Variants in LRRC7 observed in about 807,000 individuals in gnomAD.
LRRC7 encodes the protein leucine rich repeat containing 7.
A neutral mutation model predicts 175.7 loss-of-function variants in LRRC7; 23 were observed. The ratio of observed to expected loss-of-function variants is 0.13; its 90% confidence interval spans 0.09 to 0.19. The LOEUF (loss-of-function observed/expected upper bound fraction) is 0.19, where lower values mean the gene tolerates loss of function less well. Among genes scored for constraint, LRRC7 ranks in the 10% least tolerant of loss-of-function variants. LRRC7 has a pLI of 1.00. For missense variants in LRRC7, 1,354 were observed against 1,904.7 expected, an observed-to-expected ratio of 0.71 and a Z score of 5.38; for synonymous variants, 685 against 680.9, an observed-to-expected ratio of 1.01 and a Z score of -0.09.
At chr1:69,994,702 T>C in intron 11 of LRRC7, 69 bp downstream of exon 11, 1 of 1,037,816 alleles carries the variant, frequency 9.6e-7, no homozygotes, top group Non-Finnish European at 1.5e-6. Context: ...TTGAGTTTTC[T>C]AATTCAAAAC....
chr1:69,732,320 T>A (rs1008660911), intron 2 of LRRC7, among the ~76,000 whole-genome samples: 3 of 151,718 alleles, frequency 2.0e-5, no homozygotes, highest in Non-Finnish European at 4.4e-5. Context: ...ATTTACACAA[T>A]CTAATGAAAA....
chr1:69,732,284 G>T (rs1269247478), intron 2 of LRRC7, among the ~76,000 whole-genome samples: 1 of 151,794 alleles, frequency 6.6e-6, no homozygotes, highest in Non-Finnish European at 1.5e-5. Flanking sequence ...TTTAAAGGTT[G>T]TTTAGAATTT....
intron 3 of LRRC7, among the ~76,000 whole-genome samples, chr1:69,780,579 A>G (rs1416526963): frequency 6.6e-6 from 1 of 152,122 alleles, no homozygotes; most frequent in African/African-American, 2.4e-5. Context: ...GAAGCTTACA[A>G]TTTCACCAAG....
chr1:69,744,941 T>G (rs562693961), intron 2 of LRRC7, among the ~76,000 whole-genome samples: 1 of 152,066 alleles, frequency 6.6e-6, no homozygotes, highest in African/African-American at 2.4e-5. Flanking sequence ...ACCCTTTATT[T>G]AATCATTTAC....
At chr1:69,578,769 A>G (rs1646065876) in intron 1 of LRRC7, among the ~76,000 whole-genome samples, 1 of 132,746 alleles carries the variant, frequency 7.5e-6, no homozygotes, top group Admixed American at 8.5e-5. Flanking sequence ...AGGAAGGGGA[A>G]CATCACACTC....
chr1:69,816,472 T>G (rs990906157), intron 4 of LRRC7, among the ~76,000 whole-genome samples: 1 of 152,194 alleles, frequency 6.6e-6, no homozygotes, highest in African/African-American at 2.4e-5. Context: ...CAGTATTTCT[T>G]CTCCAAAAGT....
At chr1:69,928,484 T>G (rs1647164805) in intron 7 of LRRC7, among the ~76,000 whole-genome samples, 1 of 152,248 alleles carries the variant, frequency 6.6e-6, no homozygotes, top group Admixed American at 6.5e-5. Context: ...ATGGCTGCTT[T>G]GTTTACTTAA....
intron 2 of LRRC7, among the ~76,000 whole-genome samples, chr1:69,694,037 C>T (rs189668887): frequency 6.6e-6 from 1 of 152,278 alleles, no homozygotes; most frequent in East Asian, 1.9e-4. Flanking sequence ...TCCATTCTCT[C>T]CTTCCTGGGT....
intron 26 of LRRC7, among the ~76,000 whole-genome samples, chr1:70,114,375 C>G (rs17131215): frequency 6.6e-6 from 1 of 151,916 alleles, no homozygotes; most frequent in Non-Finnish European, 1.5e-5. Flanking sequence ...AGGTTAAAAA[C>G]TATGTTGATC....
chr1:69,634,422 A>G (rs1481278262), intron 1 of LRRC7, among the ~76,000 whole-genome samples: 1 of 152,160 alleles, frequency 6.6e-6, no homozygotes, highest in Non-Finnish European at 1.5e-5. Context: ...AAAATGTTGC[A>G]GATAGATTCC....
At chr1:69,669,799 C>T (rs2100568195) in intron 1 of LRRC7, among the ~76,000 whole-genome samples, 1 of 152,128 alleles carries the variant, frequency 6.6e-6, no homozygotes, top group South Asian at 2.1e-4. Flanking sequence ...GTTCAAAAGG[C>T]TGTTTTCATG....
At chr1:69,794,348 C>A (rs986550371) in intron 4 of LRRC7, among the ~76,000 whole-genome samples, 1 of 152,140 alleles carries the variant, frequency 6.6e-6, no homozygotes, top group African/African-American at 2.4e-5. Context: ...GGACACAGAC[C>A]TCTTTCTACA....
intron 2 of LRRC7, among the ~76,000 whole-genome samples, chr1:69,738,027 C>T (rs563102357): frequency 1.3e-5 from 2 of 151,998 alleles, no homozygotes; most frequent in South Asian, 2.1e-4. Flanking sequence ...GGAAATCTGA[C>T]TATTTGGCAG....
At chr1:69,853,037 T>C (rs779960020) in intron 7 of LRRC7, among the ~76,000 whole-genome samples, 8 of 152,010 alleles carry the variant, frequency 5.3e-5, no homozygotes, top group African/African-American at 1.4e-4. Flanking sequence ...TGCCTGAAAA[T>C]TTTACAAAAT....
At chr1:69,997,124 G>A (rs973213681) in intron 11 of LRRC7, among the ~76,000 whole-genome samples, 63 of 152,088 alleles carry the variant, frequency 4.1e-4, no homozygotes, top group Admixed American at 1.2e-3. Flanking sequence ...CATCCCTTGT[G>A]AGTTGGATTC....
At position 69,764,778 on chromosome 1, in the gene LRRC7, T is replaced by TAGATAGATAGATAGAC. The variant is rs1427408341; in HGVS notation, c.303+4388_303+4389insTAGATAGATAGACAGA. Among the ~76,000 whole-genome samples the TAGATAGATAGATAGAC allele has an allele frequency of 1.7e-3, 241 of 144,500 alleles. 1 individual carries two copies. The highest frequency in any genetic ancestry group is 5.3e-3 in the African/African-American group (210 of 39,394). The allele number at this position is 144,500 out of a possible 152,430, so 94.8% of individuals were successfully genotyped here. ...ATAGATAGATAGATAGATAGATAGA[T>TAGATAGATAGATAGAC]AGACAGACAGACAGATAGATAACTG... On this transcript the variant is annotated intron_variant, in intron 3 of 26. Coordinates refer to ENST00000651989, the MANE Select transcript of LRRC7 (RefSeq NM_001370785.2).
intron 20 of LRRC7, among the ~76,000 whole-genome samples, chr1:70,037,024 A>G (rs1339510830): frequency 3.3e-5 from 5 of 152,170 alleles, no homozygotes; most frequent in African/African-American, 1.2e-4. Flanking sequence ...TTTCATTGCT[A>G]TCGTCATCAT....
At chr1:70,001,614 T>G (rs1397415090) in intron 11 of LRRC7, among the ~76,000 whole-genome samples, 1 of 152,220 alleles carries the variant, frequency 6.6e-6, no homozygotes, top group Admixed American at 6.5e-5. Context: ...ATATTCTTAT[T>G]CTGCACACGG....
At chr1:69,667,271 G>A (rs1197710938) in intron 1 of LRRC7, among the ~76,000 whole-genome samples, 1 of 152,132 alleles carries the variant, frequency 6.6e-6, no homozygotes, top group African/African-American at 2.4e-5. Context: ...AAAAGAATAT[G>A]TATTTTGTAG....
Sources: gnomAD v4.1 joint callset for allele counts (sites outside exome capture counted in the v4.1 genomes callset) on GRCh38, gnomAD v4.1.1 for gene constraint, MANE v1.5 for transcripts, NCBI Gene and HGNC (gene_info 2026-07-23, HGNC 2026-07-21) for gene names.